NBEA: variants seen among roughly 807,000 people sequenced by gnomAD.
NBEA encodes the protein lysosomal-trafficking regulator 2.
A neutral mutation model predicts 343.4 loss-of-function variants in NBEA; 44 were observed. That is an observed-to-expected ratio of 0.13 (90% CI 0.10 to 0.16). The LOEUF (loss-of-function observed/expected upper bound fraction) is 0.16. Ranked by LOEUF, NBEA falls within the 10% of genes least tolerant of loss-of-function variation. NBEA has a pLI of 1.00. For synonymous variants in NBEA, 1,175 were observed against 1,238.7 expected, an observed-to-expected ratio of 0.95 and a Z score of 1.08; for missense variants, 2,555 against 3,631.3, an observed-to-expected ratio of 0.70 and a Z score of 7.62.
At chr13:35,052,941 G>A (rs1346391010) in intron 6 of NBEA, among the ~76,000 whole-genome samples, 2 of 151,920 alleles carry the variant, frequency 1.3e-5, no homozygotes, top group Non-Finnish European at 2.9e-5. Flanking sequence ...AGTGAAAATT[G>A]GAAGCCATCT....
chr13:34,948,211 T>G (rs937923204), intron 1 of NBEA, among the ~76,000 whole-genome samples: 2 of 152,190 alleles, frequency 1.3e-5, no homozygotes, highest in African/African-American at 4.8e-5. Flanking sequence ...TCCCCATTTG[T>G]AGTTCAGCTG....
intron 41 of NBEA, among the ~76,000 whole-genome samples, chr13:35,536,355 T>C (rs2078541083): frequency 6.6e-6 from 1 of 152,162 alleles, no homozygotes; most frequent in Non-Finnish European, 1.5e-5. Flanking sequence ...ATTTACCAGG[T>C]AGACAAGGAG....
At chr13:35,553,747 C>G (rs1457863535) in intron 43 of NBEA, among the ~76,000 whole-genome samples, 1 of 152,100 alleles carries the variant, frequency 6.6e-6, no homozygotes, top group East Asian at 1.9e-4. Flanking sequence ...AAACTAAACA[C>G]GAAGGAGTCC....
intron 45 of NBEA, among the ~76,000 whole-genome samples, chr13:35,572,401 A>G (rs1184666825): frequency 1.3e-5 from 2 of 152,236 alleles, no homozygotes; most frequent in Admixed American, 6.5e-5. Context: ...ACTAATATTG[A>G]CATGAACATA....
intron 1 of NBEA, among the ~76,000 whole-genome samples, chr13:35,012,634 A>T (rs1014092878): frequency 1.3e-5 from 2 of 152,230 alleles, no homozygotes; most frequent in African/African-American, 4.8e-5. Flanking sequence ...TTTCCAAGTT[A>T]TTCCAAATCT....
rs2085604220 is a variant in NBEA, at chr13:35,671,291, A to C, written c.*300A>C. 4 of 217,318 alleles carry C rather than the reference A, an allele frequency of 1.8e-5. No homozygotes were observed. The South Asian group carries it at 5.7e-4, about 31-fold the overall frequency. The allele number at this position is 217,318 out of a possible 1,614,324, so 13.5% of individuals were successfully genotyped here. On this transcript the variant is annotated 3_prime_UTR_variant, in exon 59 of 59. Transcript: ENST00000379939. ...AAAAGGTTGTAGGATGTGTCACAAG[A>C]GACTTTTGACAATTCTGAGGAACCT...
intron 39 of NBEA, among the ~76,000 whole-genome samples, chr13:35,435,482 G>A (rs9573912): frequency 0.23 from 35,356 of 151,654 alleles, 4,300 homozygotes; most frequent in East Asian, 0.37. Context: ...GGGTAATAGG[G>A]TGCCATACCT....
At chr13:35,316,152 A>C (rs1393739328) in intron 36 of NBEA, among the ~76,000 whole-genome samples, 1 of 152,118 alleles carries the variant, frequency 6.6e-6, no homozygotes, top group African/African-American at 2.4e-5. Context: ...ATACATGGGC[A>C]GAACATGCAG....
intron 41 of NBEA, among the ~76,000 whole-genome samples, chr13:35,485,433 C>T (rs1264257499): frequency 6.6e-6 from 1 of 152,078 alleles, no homozygotes; most frequent in Non-Finnish European, 1.5e-5. Context: ...TATAATCTGG[C>T]ATCTTGTTGT....
At chr13:35,511,865 T>A (rs2077290487) in intron 41 of NBEA, among the ~76,000 whole-genome samples, 1 of 152,204 alleles carries the variant, frequency 6.6e-6, no homozygotes, top group African/African-American at 2.4e-5. Flanking sequence ...CTGAGAGTAC[T>A]GTTTGCAAAT....
At chr13:35,334,523 G>C (rs2152851529) in intron 36 of NBEA, among the ~76,000 whole-genome samples, 1 of 152,332 alleles carries the variant, frequency 6.6e-6, no homozygotes, top group East Asian at 1.9e-4. Flanking sequence ...ACCCACCTTG[G>C]TGTCCCAAAG....
At chr13:34,956,459 T>A (rs1321701648) in intron 1 of NBEA, among the ~76,000 whole-genome samples, 1 of 151,890 alleles carries the variant, frequency 6.6e-6, no homozygotes, top group Non-Finnish European at 1.5e-5. Context: ...TCTTGATATC[T>A]TTATCTTTTT....
intron 38 of NBEA, among the ~76,000 whole-genome samples, chr13:35,389,970 AGTGT>A (rs10523765): frequency 2.1e-4 from 29 of 137,954 alleles, no homozygotes; most frequent in African/African-American, 3.5e-4. Context: ...TCTTTTGTAG[AGTGT>A]GTGTGTGTGT....
chr13:35,232,212 C>T (rs937806535), intron 33 of NBEA, among the ~76,000 whole-genome samples: 12 of 152,228 alleles, frequency 7.9e-5, no homozygotes, highest in African/African-American at 2.2e-4. Context: ...AACTCATTTA[C>T]ATGACGCTCA....
intron 1 of NBEA, among the ~76,000 whole-genome samples, chr13:34,969,272 T>A (rs1236457344): frequency 6.6e-6 from 1 of 152,016 alleles, no homozygotes; most frequent in African/African-American, 2.4e-5. Context: ...CACTTACTGC[T>A]GTGTAATAAG....
chr13:35,403,016 G>A (rs1055464399), intron 38 of NBEA, among the ~76,000 whole-genome samples: 4 of 151,958 alleles, frequency 2.6e-5, no homozygotes, highest in Non-Finnish European at 5.9e-5. Flanking sequence ...AAGCAAAATA[G>A]GACATACATG....
At chr13:35,307,525 AG>A (rs1423012488) in intron 35 of NBEA, among the ~76,000 whole-genome samples, 2 of 152,026 alleles carry the variant, frequency 1.3e-5, no homozygotes, top group African/African-American at 2.4e-5. Context: ...TTTTTAGACA[AG>A]GCATACTTTG....
At chr13:35,361,675 A>G (rs1435456584) in intron 38 of NBEA, among the ~76,000 whole-genome samples, 1 of 152,100 alleles carries the variant, frequency 6.6e-6, no homozygotes, top group African/African-American at 2.4e-5. Flanking sequence ...TCTGATCCAT[A>G]AAAGAAAAAA....
chr13:35,660,976 G>A (rs2085065067), intron 55 of NBEA, among the ~76,000 whole-genome samples: 1 of 152,102 alleles, frequency 6.6e-6, no homozygotes, highest in Non-Finnish European at 1.5e-5. Context: ...AACATCGATG[G>A]CACAGAGTCC....
Sources: allele counts gnomAD v4.1 joint callset (sites outside exome capture counted in the v4.1 genomes callset), GRCh38; gene constraint gnomAD v4.1.1; transcripts MANE v1.5; gene names NCBI Gene and HGNC (gene_info 2026-07-23, HGNC 2026-07-21).